The following RAB12 variants were observed in gnomAD, a reference collection of about 807,000 sequenced individuals.
The protein encoded by RAB12 is ras-related protein Rab-12.
RAB12 carries 11 observed loss-of-function variants against 28.4 expected under a neutral mutation model. The observed-to-expected ratio is 0.39, with a 90% CI of 0.24 to 0.64. RAB12 has a LOEUF of 0.64. RAB12 is among the 30% of genes least tolerant of loss of function. The probability of loss-of-function intolerance (pLI) is 0.50; values close to 1 mark genes in which losing one functional copy is unlikely to be tolerated. For missense variants in RAB12, 276 were observed against 351.1 expected (o/e 0.79, Z 1.71); for synonymous variants, 138 against 145.3 (o/e 0.95, Z 0.36).
chr18:8,617,879 TACCTCATAA>T (rs1394724036), intron 1 of RAB12, among the ~76,000 whole-genome samples: 1 of 152,200 alleles, frequency 6.6e-6, no homozygotes, highest in African/African-American at 2.4e-5. Flanking sequence ...CAGTAATATA[TACCTCATAA>T]TATTGTTAAT....
intron 1 of RAB12, among the ~76,000 whole-genome samples, chr18:8,619,159 T>C (rs1367922943): frequency 6.6e-6 from 1 of 152,200 alleles, no homozygotes; most frequent in Non-Finnish European, 1.5e-5. Flanking sequence ...TTCTTCAACT[T>C]CTTGAAAGTA....
intron 1 of RAB12, among the ~76,000 whole-genome samples, chr18:8,618,180 G>A (rs1337948020): frequency 6.6e-6 from 1 of 152,136 alleles, no homozygotes; most frequent in East Asian, 1.9e-4. Context: ...TCAAGTGCAA[G>A]GCTGTCTCCT....
At chr18:8,623,487 T>C (rs1009840424) in intron 1 of RAB12, among the ~76,000 whole-genome samples, 4 of 152,234 alleles carry the variant, frequency 2.6e-5, no homozygotes, top group African/African-American at 9.6e-5. Flanking sequence ...CAGTGTTTTG[T>C]CATTAAACTG....
intron 1 of RAB12, among the ~76,000 whole-genome samples, chr18:8,613,585 A>G (rs1045418372): frequency 2.6e-5 from 4 of 152,208 alleles, no homozygotes; most frequent in Admixed American, 1.3e-4. Flanking sequence ...ACAACTCCAT[A>G]AAATTACATA....
intron 1 of RAB12, among the ~76,000 whole-genome samples, chr18:8,612,605 T>C (rs2096004461): frequency 6.6e-6 from 1 of 152,232 alleles, no homozygotes. Context: ...GATGGGTCAC[T>C]AGAGTGGTAG....
Position 8,635,594 on chromosome 18 carries a change from G to T in RAB12, c.776G>T (p.Arg259Ile). ...AATAAGTTGGACTGTGAAACGGACAGAGAAATCACCAGGCAGCAGGGGGAA... is the reference window on the plus strand; with the variant it reads ...AATAAGTTGGACTGTGAAACGGACATAGAAATCACCAGGCAGCAGGGGGAA... ...VGNKLDCETD[R>I]EITRQQGEKF... Residue 259 changes from arginine (R) to isoleucine (I), a missense_variant, in exon 4 of 6, where the codon AGA becomes ATA. By Grantham distance (97) the Arg-to-Ile change is moderately conservative (BLOSUM62 -3). Coordinates refer to ENST00000649141, the MANE Select transcript of RAB12 (RefSeq NM_001025300.3). The T allele has an allele frequency of 6.2e-7, 1 of 1,613,074 alleles. No homozygotes were observed. Among genetic ancestry groups the T allele is most frequent in the Non-Finnish European group, 8.5e-7 (1 of 1,179,592 alleles).
At chr18:8,612,852 A>G (rs1430456098) in intron 1 of RAB12, among the ~76,000 whole-genome samples, 5 of 151,982 alleles carry the variant, frequency 3.3e-5, no homozygotes, top group Admixed American at 6.6e-5. Flanking sequence ...TTTAGTAGAG[A>G]CAAAGTCTTG....
chr18:8,626,600 C>T (rs2096012811), intron 2 of RAB12, among the ~76,000 whole-genome samples: 3 of 152,244 alleles, frequency 2.0e-5, no homozygotes, highest in Admixed American at 6.5e-5. Flanking sequence ...ACATTGTACA[C>T]TCCTGGAATC....
chr18:8,613,491 C>A (rs1420678734), intron 1 of RAB12, among the ~76,000 whole-genome samples: 1 of 152,100 alleles, frequency 6.6e-6, no homozygotes, highest in Non-Finnish European at 1.5e-5. Context: ...ATGCCGAATT[C>A]TTGATCTTGG....
chr18:8,632,019 C>T (rs535618566), intron 2 of RAB12, among the ~76,000 whole-genome samples: 1 of 152,262 alleles, frequency 6.6e-6, no homozygotes, highest in African/African-American at 2.4e-5. Context: ...TGGTAGCTTA[C>T]ACCTGTAATT....
In RAB12 at chr18:8,624,948, C is replaced by A; in HGVS notation, c.525C>A (p.Phe175Leu). 1 of 1,597,724 alleles carries A rather than the reference C, an allele frequency of 6.3e-7. No individual in the cohort carries two copies. The highest frequency in any genetic ancestry group is 8.6e-7 in the Non-Finnish European group (1 of 1,166,366). ...TTGTTTTATTTACAGGTGTTGACTTCAAAATCAAAACTGTAGAGCTAAGAG... is the reference window on the plus strand; with the variant it reads ...TTGTTTTATTTACAGGTGTTGACTTAAAAATCAAAACTGTAGAGCTAAGAG... Reference protein sequence around the residue: ...EACKSTVGVDFKIKTVELRGK... With the variant: ...EACKSTVGVDLKIKTVELRGK... The change falls in exon 2 of 6, where the codon TTC (phenylalanine) becomes TTA (leucine). Residue 175 changes from phenylalanine (F) to leucine (L), a missense_variant. By Grantham distance (22) the Phe-to-Leu change is conservative. Coordinates refer to ENST00000649141, the MANE Select transcript of RAB12 (RefSeq NM_001025300.3).
intron 2 of RAB12, among the ~76,000 whole-genome samples, chr18:8,626,363 G>T (rs1490559155): frequency 6.6e-6 from 1 of 152,208 alleles, no homozygotes; most frequent in Non-Finnish European, 1.5e-5. Flanking sequence ...TTTCTGATGA[G>T]AATATTGCCC....
chr18:8,614,974 C>T (rs567767735), intron 1 of RAB12, among the ~76,000 whole-genome samples: 39 of 152,324 alleles, frequency 2.6e-4, no homozygotes, highest in South Asian at 1.4e-3. Flanking sequence ...GGCAGCCCTT[C>T]GGTGAAGCCC....
intron 2 of RAB12, among the ~76,000 whole-genome samples, chr18:8,631,650 G>A (rs551080057): frequency 1.8e-4 from 27 of 152,282 alleles, no homozygotes; most frequent in Non-Finnish European, 2.8e-4. Context: ...TAGTAGATTG[G>A]GGACTCAGAA....
chr18:8,618,500 C>A (rs2096007912), intron 1 of RAB12, among the ~76,000 whole-genome samples: 1 of 151,656 alleles, frequency 6.6e-6, no homozygotes, highest in South Asian at 2.1e-4. Context: ...GAGTTTGCAT[C>A]CCCTTTTCCT....
intron 3 of RAB12, among the ~76,000 whole-genome samples, chr18:8,633,671 C>T (rs1177665984): frequency 6.6e-6 from 1 of 152,212 alleles, no homozygotes; most frequent in Non-Finnish European, 1.5e-5. Context: ...TCATGCACGT[C>T]CACTGAGTGA....
chr18:8,628,660 A>AAAGTCAGTAG (rs1273186467), intron 2 of RAB12, among the ~76,000 whole-genome samples: 1 of 152,214 alleles, frequency 6.6e-6, no homozygotes, highest in Non-Finnish European at 1.5e-5. Flanking sequence ...CATTGGACTT[A>AAAGTCAGTAG]AAGTCAGTAG....
Position 8,636,234 on chromosome 18 carries a change from G to T in RAB12, c.805-19G>T. On this transcript the variant is annotated intron_variant, in intron 4 of 5. Transcript: ENST00000649141. The stretch of plus-strand genomic sequence containing the variant: ...TGTGAGGCCCCACACAGAGGAAATA[G>T]GTGTGTGTTTCTTCTCAGTTTGCAC... 1 of 1,542,146 alleles carries T rather than the reference G, an allele frequency of 6.5e-7. No homozygotes were observed. Among genetic ancestry groups the T allele is most frequent in the Middle Eastern group, 1.7e-4 (1 of 5,916 alleles).
intron 2 of RAB12, among the ~76,000 whole-genome samples, chr18:8,631,719 T>C (rs2096016097): frequency 6.6e-6 from 1 of 152,236 alleles, no homozygotes; most frequent in Non-Finnish European, 1.5e-5. Context: ...AGTGCACATC[T>C]ATAATTTAGA....
Sources: allele counts gnomAD v4.1 joint callset (sites outside exome capture counted in the v4.1 genomes callset), GRCh38; gene constraint gnomAD v4.1.1; transcripts MANE v1.5; gene names NCBI Gene and HGNC (gene_info 2026-07-23, HGNC 2026-07-21).